Variants in GFOD1 observed in about 807,000 individuals in gnomAD.
GFOD1 encodes the protein glucose-fructose oxidoreductase domain-containing protein 1.
GFOD1 carries 9 observed loss-of-function variants against 25.4 expected under a neutral mutation model. The observed-to-expected ratio is 0.35, with a 90% confidence interval of 0.21 to 0.62. The LOEUF (loss-of-function observed/expected upper bound fraction) is 0.62. GFOD1 is among the 20% of genes least tolerant of loss of function. The probability of loss-of-function intolerance (pLI) is 0.72; values close to 1 mark genes in which losing one functional copy is unlikely to be tolerated. For missense variants in GFOD1, 403 were observed against 556.9 expected (o/e 0.72, Z 2.78); for synonymous variants, 253 against 245.6 (o/e 1.03, Z -0.28).
At position 13,364,456 on chromosome 6, in the gene GFOD1, G is replaced by A. The variant is rs144319978; in HGVS notation, c.*287C>T. On this transcript the variant is annotated 3_prime_UTR_variant, in exon 2 of 2. Coordinates refer to ENST00000379287, the MANE Select transcript of GFOD1 (RefSeq NM_018988.4). This position sits in a 1 kb window ranked among gnomAD's most constrained non-coding sequence, Gnocchi z 4.1. ...TCCTTGCTTGTCACAGTAAAGGGCA[G>A]CAGAGGCAGCTAAACCAAACCACTC... The A allele has an allele frequency of 1.1e-5, 5 of 434,790 alleles. No homozygotes were observed. The East Asian group carries it at 1.6e-4, about 14-fold the overall frequency. 26.9% of individuals were successfully genotyped at this position (434,790 alleles called of 1,614,324 possible). A position where few individuals can be genotyped will look rare whatever the true frequency, so the allele number is the denominator to read the frequency against.
intron 1 of GFOD1, among the ~76,000 whole-genome samples, chr6:13,435,599 C>T (rs566676230): frequency 5.3e-4 from 81 of 152,338 alleles, no homozygotes; most frequent in African/African-American, 1.9e-3. Flanking sequence ...TGTTGAGAAA[C>T]TTCTGTGCTG....
At chr6:13,400,975 C>T (rs1314043735) in intron 1 of GFOD1, among the ~76,000 whole-genome samples, 3 of 152,214 alleles carry the variant, frequency 2.0e-5, no homozygotes, top group Non-Finnish European at 4.4e-5. Context: ...TCAATATCCT[C>T]AGCAAGGATT....
rs1363431526 is a variant in GFOD1 at position 13,360,727 on chromosome 6, G to A, written c.*4016C>T. The stretch of plus-strand genomic sequence containing the variant: ...GGCAGAACATCAGATGTTGCATCCT[G>A]CTGAACAGGAGGGTGCTGACAGCAG... On this transcript the variant is annotated 3_prime_UTR_variant, in exon 2 of 2. Coordinates refer to ENST00000379287, the MANE Select transcript of GFOD1 (RefSeq NM_018988.4). The A allele has an allele frequency of 2.2e-6, 1 of 456,774 alleles. No individual in the cohort carries two copies. Among genetic ancestry groups the A allele is most frequent in the South Asian group, 1.5e-5 (1 of 64,570 alleles). 28.3% of individuals were successfully genotyped at this position (456,774 alleles called of 1,614,324 possible). A position where few individuals can be genotyped will look rare whatever the true frequency, so the allele number is the denominator to read the frequency against.
At chr6:13,454,843 C>T (rs988533525) in intron 1 of GFOD1, among the ~76,000 whole-genome samples, 1 of 152,158 alleles carries the variant, frequency 6.6e-6, no homozygotes, top group African/African-American at 2.4e-5. Flanking sequence ...AGAGAGGTGG[C>T]CCCACAAATG....
In GFOD1 at chr6:13,391,676, G is replaced by A. The variant is rs1026226751; in HGVS notation, c.254-26014C>T. On this transcript the variant is annotated intron_variant, in intron 1 of 1. Coordinates refer to ENST00000379287, the MANE Select transcript of GFOD1 (RefSeq NM_018988.4). Reference sequence around the variant, plus strand: ...ATATTGGGAAAGGATGCCAGCAGGCGAGCCAGACCAAGGGCTGAGTCTGAC... The same window carrying A: ...ATATTGGGAAAGGATGCCAGCAGGCAAGCCAGACCAAGGGCTGAGTCTGAC... Among the ~76,000 whole-genome samples, 11 of 152,256 alleles carry A rather than the reference G, an allele frequency of 7.2e-5. No homozygotes were observed. In the East Asian group the frequency reaches 7.7e-4, roughly 11 times the overall value.
chr6:13,452,629 C>G (rs753242348), intron 1 of GFOD1, among the ~76,000 whole-genome samples: 7 of 152,212 alleles, frequency 4.6e-5, no homozygotes, highest in Admixed American at 3.3e-4. Flanking sequence ...ACCCCATATC[C>G]TAATCATACC....
intron 1 of GFOD1, among the ~76,000 whole-genome samples, chr6:13,466,417 C>T (rs942117013): frequency 6.6e-6 from 1 of 152,190 alleles, no homozygotes; most frequent in African/African-American, 2.4e-5. Context: ...TTTCCACCCA[C>T]ACAGATTACT....
chr6:13,455,990 C>T (rs144984159), intron 1 of GFOD1, among the ~76,000 whole-genome samples: 58 of 152,290 alleles, frequency 3.8e-4, no homozygotes, highest in African/African-American at 1.3e-3. Flanking sequence ...GATTTTGCTA[C>T]AGCAGGCCTG....
At chr6:13,373,378 T>C (rs768471719) in intron 1 of GFOD1, among the ~76,000 whole-genome samples, 3 of 152,192 alleles carry the variant, frequency 2.0e-5, no homozygotes, top group Middle Eastern at 3.2e-3. Context: ...TGGTGTTTAA[T>C]GTGGAATCTG....
chr6:13,458,757 CAAAA>C (rs5874418), intron 1 of GFOD1, among the ~76,000 whole-genome samples: 3 of 57,240 alleles, frequency 5.2e-5, no homozygotes, highest in East Asian at 7.5e-4. Context: ...TCCCCTTGAG[CAAAA>C]AAAAAAAAAA....
At chr6:13,405,624 C>T (rs995637894) in intron 1 of GFOD1, among the ~76,000 whole-genome samples, 2 of 152,132 alleles carry the variant, frequency 1.3e-5, no homozygotes, top group Non-Finnish European at 2.9e-5. Context: ...AGAACCTCTA[C>T]ATTAGAAAAT....
At chr6:13,422,480 A>G (rs115848118) in intron 1 of GFOD1, among the ~76,000 whole-genome samples, 382 of 152,232 alleles carry the variant, frequency 2.5e-3, no homozygotes, top group African/African-American at 8.9e-3. Flanking sequence ...CATCCAACAA[A>G]TCCTTCATCC....
At chr6:13,459,075 C>T (rs1758244471) in intron 1 of GFOD1, among the ~76,000 whole-genome samples, 1 of 152,132 alleles carries the variant, frequency 6.6e-6, no homozygotes, top group Non-Finnish European at 1.5e-5. Flanking sequence ...ACGGTAGGTG[C>T]CAGGGCCACA....
intron 1 of GFOD1, 65 bp downstream of exon 1, chr6:13,486,573 G>T (rs530980347): frequency 3.0e-6 from 4 of 1,331,446 alleles, no homozygotes; most frequent in Non-Finnish European, 4.2e-6. Flanking sequence ...AGGCAGGGGG[G>T]AAGGAACCTA....
intron 1 of GFOD1, among the ~76,000 whole-genome samples, chr6:13,374,728 CTTTTTT>C (rs147560408): frequency 0.07 from 4,684 of 66,718 alleles, 108 homozygotes; most frequent in African/African-American, 0.13. Context: ...CATCTCAAAT[CTTTTTT>C]TTTTTTTTTT....
chr6:13,430,575 T>C lies in GFOD1; in HGVS notation c.253+56063A>G, dbSNP rs1562216926. 6.6e-6 allele frequency among the ~76,000 whole-genome samples: 1 copy of C among 152,200 alleles called. No homozygotes were observed. The highest frequency in any genetic ancestry group is 1.5e-5 in the Non-Finnish European group (1 of 68,036). On this transcript the variant is annotated intron_variant, in intron 1 of 1. Coordinates refer to ENST00000379287, the MANE Select transcript of GFOD1 (RefSeq NM_018988.4). This position sits in a 1 kb window ranked among gnomAD's most constrained non-coding sequence, Gnocchi z 4.1. ...ATTGGCCACAGTGTTATCCATATTC[T>C]CAACACTCCTATTATGGGGTTCCCA...
At chr6:13,373,957 TC>T (rs1785200512) in intron 1 of GFOD1, among the ~76,000 whole-genome samples, 1 of 151,996 alleles carries the variant, frequency 6.6e-6, no homozygotes, top group African/African-American at 2.4e-5. Flanking sequence ...CAATACAACT[TC>T]CCAACTCAAA....
rs143096453 is a variant in GFOD1, at chr6:13,412,552, G to A, written c.254-46890C>T. ...GATATTCAACCAGTGTGGAAGCAGA[G>A]CCAACATCACTTCTGGTTGGCAGTA... On this transcript the variant is annotated intron_variant, in intron 1 of 1. Coordinates refer to ENST00000379287, the MANE Select transcript of GFOD1 (RefSeq NM_018988.4). Among the ~76,000 whole-genome samples, 3 of 152,322 alleles carry A rather than the reference G, an allele frequency of 2.0e-5. No homozygotes were observed. The East Asian group carries it at 5.8e-4, about 29-fold the overall frequency.
intron 1 of GFOD1, among the ~76,000 whole-genome samples, chr6:13,475,552 AC>A (rs1172249080): frequency 2.1e-5 from 3 of 142,684 alleles, no homozygotes. Context: ...TACTAAAAAT[AC>A]AAAAAAAAAA....
Sources: allele counts gnomAD v4.1 joint callset (sites outside exome capture counted in the v4.1 genomes callset), GRCh38; gene constraint gnomAD v4.1.1; non-coding constraint Gnocchi (gnomAD v3.1); transcripts MANE v1.5; gene names NCBI Gene and HGNC (gene_info 2026-07-23, HGNC 2026-07-21).